Variants in OPCML observed in about 807,000 individuals in gnomAD.
OPCML encodes opioid-binding protein/cell adhesion molecule.
In OPCML, 13 loss-of-function variants were observed where a neutral mutation model predicts 37.8. That is an observed-to-expected ratio of 0.34 (90% confidence interval 0.22 to 0.55). The LOEUF (loss-of-function observed/expected upper bound fraction) is 0.55, where lower values mean the gene tolerates loss of function less well. Among genes scored for constraint, OPCML ranks in the 20% least tolerant of loss-of-function variants. The pLI is 0.91. For missense variants in OPCML, 341 were observed against 435.6 expected, an observed-to-expected ratio of 0.78 and a Z score of 1.93; for synonymous variants, 176 against 168.8, an observed-to-expected ratio of 1.04 and a Z score of -0.33.
chr11:133,246,152 G>T (rs1027917836), intron 1 of OPCML, among the ~76,000 whole-genome samples: 1 of 152,132 alleles, frequency 6.6e-6, no homozygotes, highest in Non-Finnish European at 1.5e-5. Context: ...AAGCTTGGTG[G>T]GAAAGGAGCC....
At chr11:133,450,190 C>A (rs1436031783) in intron 1 of OPCML, among the ~76,000 whole-genome samples, 1 of 151,740 alleles carries the variant, frequency 6.6e-6, no homozygotes, top group Admixed American at 6.5e-5. Context: ...CTTCCTTACT[C>A]TGGACATAGA....
At chr11:133,149,649 C>A (rs1357771753) in intron 1 of OPCML, among the ~76,000 whole-genome samples, 4 of 152,194 alleles carry the variant, frequency 2.6e-5, no homozygotes, top group Non-Finnish European at 5.9e-5. Context: ...GCTGTGGAAA[C>A]TTTGTCCAAT....
intron 1 of OPCML, among the ~76,000 whole-genome samples, chr11:133,372,030 G>A (rs551293157): frequency 6.6e-6 from 1 of 152,200 alleles, no homozygotes; most frequent in Admixed American, 6.5e-5. Context: ...AGGGTGTGGG[G>A]GGAGGGATGA....
At chr11:132,779,218 T>A (rs561132579) in intron 2 of OPCML, among the ~76,000 whole-genome samples, 72 of 152,306 alleles carry the variant, frequency 4.7e-4, no homozygotes, top group African/African-American at 1.7e-3. Context: ...TCTGCCCACC[T>A]CAGCCTCCCA....
At chr11:132,897,846 T>A (rs12801102) in intron 2 of OPCML, among the ~76,000 whole-genome samples, 1 of 152,056 alleles carries the variant, frequency 6.6e-6, no homozygotes, top group Non-Finnish European at 1.5e-5. Flanking sequence ...GGCAAAAACA[T>A]TGAGAGAATA....
intron 2 of OPCML, among the ~76,000 whole-genome samples, chr11:132,798,980 G>T (rs762404337): frequency 1.3e-5 from 2 of 152,078 alleles, no homozygotes; most frequent in African/African-American, 4.8e-5. Context: ...TGTCATCCAG[G>T]CTCTGTTGTT....
At chr11:132,542,481 G>T (rs77834237) in intron 3 of OPCML, among the ~76,000 whole-genome samples, 3 of 152,044 alleles carry the variant, frequency 2.0e-5, no homozygotes, top group Non-Finnish European at 4.4e-5. Flanking sequence ...CTCTATCCAG[G>T]TCTGGAGCAC....
intron 1 of OPCML, among the ~76,000 whole-genome samples, chr11:133,411,557 A>G (rs1260854438): frequency 1.3e-5 from 2 of 152,064 alleles, no homozygotes; most frequent in Non-Finnish European, 2.9e-5. Context: ...CAGTTCCTCA[A>G]TTCTGGGTCC....
chr11:132,725,166 G>C (rs960881150), intron 2 of OPCML, among the ~76,000 whole-genome samples: 7 of 152,194 alleles, frequency 4.6e-5, no homozygotes, highest in Non-Finnish European at 1.0e-4. Flanking sequence ...TTCTCCATGA[G>C]AGCCCCACCC....
intron 1 of OPCML, among the ~76,000 whole-genome samples, chr11:133,263,753 C>T (rs1161128830): frequency 1.3e-5 from 2 of 152,068 alleles, no homozygotes; most frequent in Non-Finnish European, 2.9e-5. Flanking sequence ...TGCTGAACTG[C>T]GACAGACAGA....
At chr11:133,439,708 C>A (rs923737750) in intron 1 of OPCML, among the ~76,000 whole-genome samples, 7 of 152,004 alleles carry the variant, frequency 4.6e-5, no homozygotes, top group African/African-American at 1.7e-4. Context: ...ACTTCGTGAT[C>A]CACCCGCCTT....
chr11:132,689,836 A>G (rs1943328139), intron 2 of OPCML, among the ~76,000 whole-genome samples: 1 of 152,262 alleles, frequency 6.6e-6, no homozygotes, highest in Admixed American at 6.5e-5. Flanking sequence ...ATTTTGCCAC[A>G]TGAAATATAC....
At chr11:133,514,781 T>C (rs1948228923) in intron 1 of OPCML, among the ~76,000 whole-genome samples, 1 of 152,202 alleles carries the variant, frequency 6.6e-6, no homozygotes, top group South Asian at 2.1e-4. Context: ...GAAATTTGTC[T>C]GAGCTGTCAC....
chr11:133,140,979 A>C (rs142482908), intron 1 of OPCML, among the ~76,000 whole-genome samples: 61 of 3,482 alleles, frequency 0.018, 14 homozygotes, highest in African/African-American at 0.029. Flanking sequence ...AAGAAGAAGA[A>C]GAAGAAGAAG....
At chr11:132,892,596 G>A (rs539696935) in intron 2 of OPCML, among the ~76,000 whole-genome samples, 1 of 151,986 alleles carries the variant, frequency 6.6e-6, no homozygotes, top group African/African-American at 2.4e-5. Flanking sequence ...GCAAAACCCC[G>A]TCTCTACTAA....
chr11:133,197,191 T>C (rs1382429394), intron 1 of OPCML, among the ~76,000 whole-genome samples: 1 of 152,244 alleles, frequency 6.6e-6, no homozygotes, highest in Non-Finnish European at 1.5e-5. Context: ...ACAATCTCTC[T>C]TCCTTACCGG....
intron 1 of OPCML, among the ~76,000 whole-genome samples, chr11:133,286,176 C>T (rs1456669157): frequency 1.3e-5 from 2 of 152,096 alleles, no homozygotes; most frequent in Non-Finnish European, 1.5e-5. Flanking sequence ...CCTTGCTGGG[C>T]GCGGTGGCTC....
intron 3 of OPCML, among the ~76,000 whole-genome samples, chr11:132,529,516 C>T (rs1175780320): frequency 6.6e-6 from 1 of 152,102 alleles, no homozygotes; most frequent in African/African-American, 2.4e-5. Context: ...CTGTTTATCC[C>T]CATGTCTACT....
chr11:132,791,471 C>T (rs1182317369), intron 2 of OPCML, among the ~76,000 whole-genome samples: 3 of 152,082 alleles, frequency 2.0e-5, no homozygotes, highest in East Asian at 1.9e-4. Context: ...GATTTACAAC[C>T]CAGATCATTA....
Sources: gnomAD v4.1 joint callset for allele counts (sites outside exome capture counted in the v4.1 genomes callset) on GRCh38, gnomAD v4.1.1 for gene constraint, MANE v1.5 for transcripts, NCBI Gene and HGNC (gene_info 2026-07-23, HGNC 2026-07-21) for gene names.